PDE10A: variants seen among roughly 807,000 people sequenced by gnomAD.
PDE10A encodes the protein phosphodiesterase 10A.
A neutral mutation model predicts 97.7 loss-of-function variants in PDE10A; 39 were observed. The observed-to-expected ratio is 0.40, with a 90% CI of 0.31 to 0.52. The LOEUF is 0.52. PDE10A is among the 20% of genes least tolerant of loss of function. PDE10A has a pLI of 0.56. For synonymous variants in PDE10A, 371 were observed against 376.8 expected, an observed-to-expected ratio of 0.98 and a Z score of 0.18; for missense variants, 731 against 1,047.8, an observed-to-expected ratio of 0.70 and a Z score of 4.17.
At chr6:165,385,786 G>A (rs1197730696) in intron 17 of PDE10A, among the ~76,000 whole-genome samples, 4 of 152,152 alleles carry the variant, frequency 2.6e-5, no homozygotes, top group African/African-American at 9.7e-5. Flanking sequence ...GTCTGTTTAT[G>A]GCCCCAATAT....
At chr6:165,562,554 T>A (rs536713087) in intron 1 of PDE10A, among the ~76,000 whole-genome samples, 3 of 152,196 alleles carry the variant, frequency 2.0e-5, no homozygotes, top group Admixed American at 6.5e-5. Context: ...TTGTTTAGCA[T>A]CTACATTCCC....
intron 1 of PDE10A, among the ~76,000 whole-genome samples, chr6:165,955,641 T>C (rs1404834420): frequency 6.6e-6 from 1 of 152,198 alleles, no homozygotes; most frequent in Non-Finnish European, 1.5e-5. Flanking sequence ...ATGGGACACA[T>C]ATGGAAGTAT....
At chr6:165,919,843 G>A (rs887327936) in intron 1 of PDE10A, among the ~76,000 whole-genome samples, 11 of 151,012 alleles carry the variant, frequency 7.3e-5, no homozygotes, top group Non-Finnish European at 1.5e-4. Flanking sequence ...ACAAAGCTCA[G>A]TGGAAGTCAG....
Position 165,333,093 on chromosome 6 carries a change from C to G in PDE10A, c.3100G>C (p.Gly1034Arg). 6.2e-7 allele frequency: 1 copy of G among 1,611,138 alleles called. No homozygotes were observed. Residue 1034 changes from glycine to arginine, a missense_variant, in exon 22 of 22, where the codon GGG (glycine) becomes CGG (arginine). Gly to Arg is a moderately radical substitution (Grantham distance 125). Transcript: ENST00000539869. ...GAAATCCAGGTTGCAGTCTCCTCCC[C>G]TCGAATCACCTTCTCCCACTGACTG... ...NLSQWEKVIR[G>R]EETATWISSP...
intron 13 of PDE10A, 122 bp downstream of exon 13, chr6:165,413,379 T>C: frequency 1.6e-6 from 1 of 621,702 alleles, no homozygotes; most frequent in Non-Finnish European, 2.7e-6. Context: ...AGGAATCACT[T>C]ACTTTTCCTG....
At chr6:165,885,604 G>A (rs1781608374) in intron 1 of PDE10A, among the ~76,000 whole-genome samples, 2 of 152,204 alleles carry the variant, frequency 1.3e-5, no homozygotes, top group African/African-American at 2.4e-5. Context: ...GGAGGCCTGC[G>A]GATGAACAGA....
chr6:165,855,880 C>A (rs774105657), intron 1 of PDE10A, among the ~76,000 whole-genome samples: 2 of 152,142 alleles, frequency 1.3e-5, no homozygotes, highest in African/African-American at 4.8e-5. Context: ...CAGGAAGCCC[C>A]GCTTTCTTTC....
intron 1 of PDE10A, among the ~76,000 whole-genome samples, chr6:165,690,226 A>G (rs559658402): frequency 2.0e-4 from 31 of 151,804 alleles, no homozygotes; most frequent in Non-Finnish European, 4.3e-4. Flanking sequence ...CGCTCAGTCA[A>G]CTCTGCGGGG....
chr6:165,604,982 C>T (rs999266354), intron 1 of PDE10A, among the ~76,000 whole-genome samples: 16 of 152,248 alleles, frequency 1.1e-4, no homozygotes, highest in African/African-American at 3.9e-4. Context: ...AGCTCTATTA[C>T]AAACAACCCT....
intron 13 of PDE10A, among the ~76,000 whole-genome samples, chr6:165,401,572 A>C (rs1467818263): frequency 6.6e-6 from 1 of 152,208 alleles, no homozygotes; most frequent in Non-Finnish European, 1.5e-5. Context: ...ACAAACGAAA[A>C]CGCATGAACA....
chr6:165,981,490 G>T (rs1785013998), intron 1 of PDE10A, among the ~76,000 whole-genome samples: 1 of 152,184 alleles, frequency 6.6e-6, no homozygotes, highest in Non-Finnish European at 1.5e-5. Flanking sequence ...TCTTTCAGAT[G>T]TCGGTCATTT....
intron 13 of PDE10A, among the ~76,000 whole-genome samples, chr6:165,407,926 A>G (rs1374130371): frequency 6.6e-6 from 1 of 152,202 alleles, no homozygotes; most frequent in Non-Finnish European, 1.5e-5. Context: ...CCAATCAGAG[A>G]CGTTCCCCTT....
chr6:165,388,566 A>C lies in PDE10A; in HGVS notation c.2455-113T>G. The C allele has an allele frequency of 3.3e-6, 3 of 901,078 alleles. No individual in the cohort carries two copies. The highest frequency in any genetic ancestry group is 5.3e-6 in the Non-Finnish European group (3 of 564,282). The allele number at this position is 901,078 out of a possible 1,614,324, so 55.8% of individuals were successfully genotyped here. ...TCTGGCATTAATATAGCACAAATAC[A>C]GCATTCTGGCATAAAGAATCCTATA... On this transcript the variant is annotated intron_variant, in intron 16 of 21. Coordinates refer to ENST00000539869, the MANE Select transcript of PDE10A (RefSeq NM_001385079.1). This position sits in a 1 kb window ranked among gnomAD's most constrained non-coding sequence, Gnocchi z 4.0.
chr6:165,804,812 G>C (rs1779076009), intron 1 of PDE10A, among the ~76,000 whole-genome samples: 1 of 151,874 alleles, frequency 6.6e-6, no homozygotes, highest in Admixed American at 6.5e-5. Flanking sequence ...CGCGGGCGGA[G>C]ACTGACAGGC....
intron 1 of PDE10A, among the ~76,000 whole-genome samples, chr6:165,885,090 G>GAACT (rs774876676): frequency 7.9e-5 from 12 of 152,140 alleles, no homozygotes; most frequent in Non-Finnish European, 1.8e-4. Flanking sequence ...CCAGAGCTGG[G>GAACT]AACTACAGGG....
chr6:165,458,501 G>C (rs1004320257), intron 3 of PDE10A, among the ~76,000 whole-genome samples: 2 of 152,150 alleles, frequency 1.3e-5, no homozygotes, highest in African/African-American at 4.8e-5. Context: ...ACAGCTTCCA[G>C]AGTTGTAATT....
chr6:165,868,703 AT>A (rs1369475287), intron 1 of PDE10A, among the ~76,000 whole-genome samples: 4 of 152,012 alleles, frequency 2.6e-5, no homozygotes, highest in Non-Finnish European at 5.9e-5. Context: ...CAAGGACATA[AT>A]TTTTTTAGAA....
intron 1 of PDE10A, among the ~76,000 whole-genome samples, chr6:165,873,635 C>A (rs1165141233): frequency 1.3e-5 from 2 of 152,000 alleles, no homozygotes; most frequent in Admixed American, 6.6e-5. Context: ...GGTTTAAGCT[C>A]AGTATTTGAA....
At chr6:165,734,891 T>G (rs1195161135) in intron 1 of PDE10A, among the ~76,000 whole-genome samples, 2 of 152,198 alleles carry the variant, frequency 1.3e-5, no homozygotes, top group East Asian at 1.9e-4. Flanking sequence ...TAAACAGTAT[T>G]AATGTGTTCA....
Sources: gnomAD v4.1 joint callset for allele counts (sites outside exome capture counted in the v4.1 genomes callset) on GRCh38, gnomAD v4.1.1 for gene constraint, Gnocchi (gnomAD v3.1) non-coding constraint, MANE v1.5 for transcripts, NCBI Gene and HGNC (gene_info 2026-07-23, HGNC 2026-07-21) for gene names.